Variants in SLC12A2 observed in about 807,000 individuals in gnomAD.
The protein encoded by SLC12A2 is solute carrier family 12 member 2.
Under a neutral mutation model 136.3 loss-of-function variants are expected in SLC12A2, and 67 were observed. The ratio of observed to expected loss-of-function variants is 0.49; its 90% confidence interval spans 0.40 to 0.60. The LOEUF is 0.60. Among genes scored for constraint, SLC12A2 ranks in the 20% least tolerant of loss-of-function variants. The probability of loss-of-function intolerance (pLI) is 0.00; values close to 1 mark genes in which losing one functional copy is unlikely to be tolerated. For missense variants in SLC12A2, 1,322 were observed against 1,534.7 expected (o/e 0.86, Z 2.32); for synonymous variants, 619 against 562.9 (o/e 1.10, Z -1.41).
At chr5:128,138,754 T>C (rs2126708231) in intron 8 of SLC12A2, 30 bp downstream of exon 8, 1 of 1,602,674 alleles carries the variant, frequency 6.2e-7, no homozygotes, top group East Asian at 2.2e-5. Flanking sequence ...ATATCAATTA[T>C]ATATTTTAAA....
intron 23 of SLC12A2, among the ~76,000 whole-genome samples, chr5:128,181,605 A>G (rs1763709110): frequency 6.6e-6 from 1 of 152,210 alleles, no homozygotes; most frequent in South Asian, 2.1e-4. Context: ...TTCAGAAAGC[A>G]GAGTTTTGAC....
rs1173898822 is a variant in SLC12A2 at position 128,114,577 on chromosome 5, T to C, written c.953-9T>C. The C allele has an allele frequency of 1.3e-6, 2 of 1,577,248 alleles. No individual in the cohort carries two copies. The highest frequency in any genetic ancestry group is 2.7e-5 in the African/African-American group (2 of 74,122). On this transcript the variant is annotated splice_polypyrimidine_tract_variant and intron_variant, in intron 3 of 26. Coordinates refer to ENST00000262461, the MANE Select transcript of SLC12A2 (RefSeq NM_001046.3). The stretch of plus-strand genomic sequence containing the variant: ...TAAGTATTCTCATTGTCTTTCTTTC[T>C]TCGTAAAGGTCTATCAGTCCTTGTA...
intron 4 of SLC12A2, 58 bp downstream of exon 4, chr5:128,114,739 A>G: frequency 9.5e-7 from 1 of 1,047,154 alleles, no homozygotes; most frequent in Non-Finnish European, 1.5e-6. Flanking sequence ...ACAGAGGTCT[A>G]AATTGTATTT....
chr5:128,128,446 T>C (rs1246673114), intron 4 of SLC12A2, among the ~76,000 whole-genome samples: 1 of 152,114 alleles, frequency 6.6e-6, no homozygotes, highest in East Asian at 1.9e-4. Context: ...TTTTTCCATA[T>C]TGATGTCTGT....
At chr5:128,130,257 C>A (rs1210671074) in intron 4 of SLC12A2, among the ~76,000 whole-genome samples, 1 of 151,902 alleles carries the variant, frequency 6.6e-6, no homozygotes, top group African/African-American at 2.4e-5. Flanking sequence ...ACTAATAATA[C>A]AAAAATCAGT....
chr5:128,118,542 G>T (rs1343048918), intron 4 of SLC12A2, among the ~76,000 whole-genome samples: 1 of 152,126 alleles, frequency 6.6e-6, no homozygotes, highest in African/African-American at 2.4e-5. Context: ...GCATAAGAAT[G>T]ATATAATAGA....
intron 4 of SLC12A2, among the ~76,000 whole-genome samples, chr5:128,129,393 T>C (rs1342756749): frequency 1.3e-5 from 2 of 152,084 alleles, no homozygotes; most frequent in Non-Finnish European, 2.9e-5. Context: ...ATTGGAGTTT[T>C]TAGTGTTCAA....
rs1761267066 is a variant in SLC12A2, at chr5:128,114,321, T to G, written c.952+34T>G. The G allele has an allele frequency of 2.0e-6, 3 of 1,490,934 alleles. No individual in the cohort carries two copies. The East Asian group carries it at 6.8e-5, about 34-fold the overall frequency. The allele number at this position is 1,490,934 out of a possible 1,614,324, so 92.4% of individuals were successfully genotyped here. On this transcript the variant is annotated intron_variant, in intron 3 of 26. Transcript: ENST00000262461. ...AGTTATATCCTGCTTGATTTGAGAA[T>G]AAGCAAAATAACTGTGTCTGAGCTC...
In SLC12A2 at chr5:128,187,554, G is replaced by T. The variant is rs1390519524; in HGVS notation, c.*923G>T. The stretch of plus-strand genomic sequence containing the variant: ...AATTTAGACAAAACAATGTCATTTA[G>T]TAGAATATTTCAGTATTTAAGTGGA... On this transcript the variant is annotated 3_prime_UTR_variant, in exon 27 of 27. Transcript: ENST00000262461. 1 of 152,106 alleles carries T rather than the reference G, an allele frequency of 6.6e-6. No individual in the cohort carries two copies. The highest frequency in any genetic ancestry group is 1.5e-5 in the Non-Finnish European group (1 of 67,984). 9.4% of individuals were successfully genotyped at this position (152,106 alleles called of 1,614,324 possible). A position where few individuals can be genotyped will look rare whatever the true frequency, so the allele number is the denominator to read the frequency against.
chr5:128,159,726 AAGTC>A (rs938497234), intron 16 of SLC12A2, among the ~76,000 whole-genome samples: 3 of 152,240 alleles, frequency 2.0e-5, no homozygotes, highest in Non-Finnish European at 2.9e-5. Context: ...AATCATTAAA[AAGTC>A]AGGAACAACA....
chr5:128,124,136 C>T (rs980208652), intron 4 of SLC12A2, among the ~76,000 whole-genome samples: 2 of 152,122 alleles, frequency 1.3e-5, no homozygotes, highest in Admixed American at 6.6e-5. Flanking sequence ...GGCAAAAGCC[C>T]TTGTGACTCT....
At position 128,161,724 on chromosome 5, in the gene SLC12A2, T is replaced by C. The variant is rs1763044406; in HGVS notation, c.2540T>C (p.Ile847Thr). The C allele has an allele frequency of 3.9e-6, 6 of 1,538,658 alleles. No homozygotes were observed. Among genetic ancestry groups the C allele is most frequent in the Non-Finnish European group, 5.2e-6 (6 of 1,144,594 alleles). Reference protein sequence around the residue: ...IDQAKYQRWLIKNKMKAFYAP... With the variant: ...IDQAKYQRWLTKNKMKAFYAP... ...CAAGCCAAATATCAGCGATGGCTTA[T>C]TAAGAACAAAATGAAGGCATTTTAT... The change falls in exon 17 of 27, where the codon ATT (isoleucine) becomes ACT (threonine). Residue 847 changes from isoleucine to threonine, a missense_variant. Physicochemically the swap from Ile to Thr is moderately conservative, Grantham distance 89. Coordinates refer to ENST00000262461, the MANE Select transcript of SLC12A2 (RefSeq NM_001046.3).
At chr5:128,144,955 TC>T (rs1377205376) in intron 10 of SLC12A2, among the ~76,000 whole-genome samples, 4 of 152,180 alleles carry the variant, frequency 2.6e-5, no homozygotes, top group African/African-American at 7.2e-5. Context: ...AGTCTTTTTT[TC>T]ATCTTTGTTT....
chr5:128,164,741 AT>A (rs1410786061), intron 17 of SLC12A2, among the ~76,000 whole-genome samples: 2 of 151,230 alleles, frequency 1.3e-5, no homozygotes, highest in Non-Finnish European at 2.9e-5. Flanking sequence ...CTTACCCTCA[AT>A]TTTTCCCTGT....
At chr5:128,091,683 T>C (rs1760326406) in intron 1 of SLC12A2, among the ~76,000 whole-genome samples, 1 of 152,178 alleles carries the variant, frequency 6.6e-6, no homozygotes, top group African/African-American at 2.4e-5. Flanking sequence ...AAAGCTATTA[T>C]GAAAAACTTG....
Position 128,180,894 on chromosome 5 carries a change from T to C in SLC12A2, c.3112T>C (p.Leu1038=). The change falls in exon 23 of 27, where the codon TTG becomes CTG. Residue 1038 remains leucine, a synonymous_variant. Transcript: ENST00000262461. ...TTTTTATAATTCAGGTTTGACCTTA[T>C]TGATACCTTACCTTCTGACGACCAA... is the stretch of plus-strand genomic sequence containing the variant. ...WLFDDGGLTL[L]IPYLLTTKKK... 6.3e-7 allele frequency: 1 copy of C among 1,590,708 alleles called. No individual in the cohort carries two copies. Among genetic ancestry groups the C allele is most frequent in the African/African-American group, 1.3e-5 (1 of 74,380 alleles).
At chr5:128,150,654 T>A (rs1762673565) in intron 13 of SLC12A2, among the ~76,000 whole-genome samples, 2 of 151,786 alleles carry the variant, frequency 1.3e-5, no homozygotes, top group African/African-American at 4.8e-5. Flanking sequence ...AATTTTGGCT[T>A]TGGAACTACC....
In SLC12A2 at chr5:128,112,848, A is replaced by C. The variant is rs1581072741; in HGVS notation, c.791A>C (p.Glu264Ala). The C allele has an allele frequency of 6.2e-7, 1 of 1,612,292 alleles. No individual in the cohort carries two copies. The highest frequency in any genetic ancestry group is 8.5e-7 in the Non-Finnish European group (1 of 1,178,926). ...GAGGATGGCTTTGCAAATGGGGAAG[A>C]AAGTACTCCAACCAGAGATGCTGTG... ...PFEDGFANGE[E>A]STPTRDAVVT... Residue 264 changes from glutamate (E) to alanine (A), a missense_variant, in exon 2 of 27, where the codon GAA becomes GCA. By Grantham distance (107) the Glu-to-Ala change is moderately radical. Coordinates refer to ENST00000262461, the MANE Select transcript of SLC12A2 (RefSeq NM_001046.3).
chr5:128,109,567 G>T, intron 1 of SLC12A2: 1 of 704,710 alleles, frequency 1.4e-6, no homozygotes. Flanking sequence ...AGCTGAGTCC[G>T]GAGAAGAGCA....
Sources: gnomAD v4.1 joint callset for allele counts (sites outside exome capture counted in the v4.1 genomes callset) on GRCh38, gnomAD v4.1.1 for gene constraint, MANE v1.5 for transcripts, NCBI Gene and HGNC (gene_info 2026-07-23, HGNC 2026-07-21) for gene names.